Variants in NKAIN3 observed in about 807,000 individuals in gnomAD.
NKAIN3 encodes sodium/potassium transporting ATPase interacting 3, also known as sodium/potassium-transporting ATPase subunit beta-1-interacting protein 3.
Under a neutral mutation model 30.2 loss-of-function variants are expected in NKAIN3, and 25 were observed. The ratio of observed to expected loss-of-function variants is 0.83; its 90% CI spans 0.60 to 1.16. The LOEUF is 1.16. NKAIN3 is among the 50% of genes most tolerant of loss of function. The pLI is 0.00. For missense variants in NKAIN3, 225 were observed against 254.1 expected (o/e 0.89, Z 0.78); for synonymous variants, 91 against 89.6 (o/e 1.02, Z -0.09).
intron 4 of NKAIN3, among the ~76,000 whole-genome samples, chr8:62,761,352 G>C (rs1228300312): frequency 6.6e-6 from 1 of 152,064 alleles, no homozygotes; most frequent in Non-Finnish European, 1.5e-5. Context: ...GGGGAGGACG[G>C]GGGTGGATTG....
At chr8:62,254,638 C>G (rs530422175) in intron 1 of NKAIN3, among the ~76,000 whole-genome samples, 2,202 of 148,674 alleles carry the variant, frequency 0.015, 47 homozygotes, top group African/African-American at 0.049. Flanking sequence ...ATTTTTTTTT[C>G]TGAGAGGTTA....
At chr8:62,928,632 G>C (rs763504384) in intron 5 of NKAIN3, among the ~76,000 whole-genome samples, 3 of 152,146 alleles carry the variant, frequency 2.0e-5, no homozygotes, top group African/African-American at 7.2e-5. Context: ...TATTCTAGAC[G>C]AGGGTTCCAG....
intron 4 of NKAIN3, among the ~76,000 whole-genome samples, chr8:62,886,258 G>A (rs1041830495): frequency 6.6e-6 from 1 of 151,812 alleles, no homozygotes; most frequent in Non-Finnish European, 1.5e-5. Flanking sequence ...CAGGTAGAGT[G>A]AGTGCCTCAT....
intron 4 of NKAIN3, among the ~76,000 whole-genome samples, chr8:62,892,968 C>T (rs965911706): frequency 1.3e-5 from 2 of 152,078 alleles, no homozygotes; most frequent in Non-Finnish European, 2.9e-5. Context: ...AGGCTTTATT[C>T]CATCTCAAAA....
rs370095999 is a variant in NKAIN3 at position 62,678,177 on chromosome 8, C to G, written c.274-68755C>G. ...CCCTAAAATAGGCAGATAGTGGAGT[C>G]ATTTTTCTCTTCTCATTTCCTTTAA... On this transcript the variant is annotated intron_variant, in intron 3 of 6. Transcript: ENST00000623646. Among the ~76,000 whole-genome samples, 11 of 152,278 alleles carry G rather than the reference C, an allele frequency of 7.2e-5. No homozygotes were observed. In the East Asian group the frequency reaches 1.5e-3, roughly 21 times the overall value.
At chr8:62,330,705 T>G (rs913029625) in intron 1 of NKAIN3, among the ~76,000 whole-genome samples, 1 of 152,010 alleles carries the variant, frequency 6.6e-6, no homozygotes, top group South Asian at 2.1e-4. Flanking sequence ...GCCCAAGATC[T>G]TTCTAATTAG....
intron 1 of NKAIN3, among the ~76,000 whole-genome samples, chr8:62,531,536 G>A (rs1244194647): frequency 1.3e-5 from 2 of 152,118 alleles, no homozygotes; most frequent in Non-Finnish European, 2.9e-5. Context: ...CACAATTGCA[G>A]CACTCTCATC....
chr8:62,276,304 G>A (rs751694942), intron 1 of NKAIN3, among the ~76,000 whole-genome samples: 36 of 152,276 alleles, frequency 2.4e-4, no homozygotes, highest in Non-Finnish European at 4.7e-4. Flanking sequence ...TACCTCAAGT[G>A]ATCCGCCTGC....
intron 1 of NKAIN3, among the ~76,000 whole-genome samples, chr8:62,276,346 G>A (rs560061752): frequency 3.3e-5 from 5 of 152,306 alleles, no homozygotes; most frequent in Admixed American, 1.3e-4. Flanking sequence ...GATTACAGGA[G>A]TGAGCCACTG....
chr8:62,292,241 G>T (rs893433674), intron 1 of NKAIN3, among the ~76,000 whole-genome samples: 3 of 152,212 alleles, frequency 2.0e-5, no homozygotes, highest in Admixed American at 6.5e-5. Flanking sequence ...TTACATTTAA[G>T]TTTAATATTG....
At chr8:62,473,695 G>C (rs1163741027) in intron 1 of NKAIN3, among the ~76,000 whole-genome samples, 1 of 151,950 alleles carries the variant, frequency 6.6e-6, no homozygotes, top group African/African-American at 2.4e-5. Flanking sequence ...GTTTCTCCTG[G>C]TACTTGTCTG....
intron 3 of NKAIN3, among the ~76,000 whole-genome samples, chr8:62,592,627 T>C (rs1436631052): frequency 5.9e-5 from 9 of 151,892 alleles, no homozygotes; most frequent in Non-Finnish European, 1.0e-4. Context: ...GAAATGTAAA[T>C]AGACCAAGCA....
chr8:62,589,750 G>A lies in NKAIN3; in HGVS notation c.229G>A (p.Val77Met), dbSNP rs370357908. The change falls in exon 3 of 7, where the codon GTG becomes ATG. Residue 77 changes from valine (V) to methionine (M), a missense_variant. Coordinates refer to ENST00000623646, the MANE Select transcript of NKAIN3 (RefSeq NM_001304533.3). ...VWTALWVTWN[V>M]FIICFYLEVG... ...GACTGCCCTCTGGGTCACCTGGAATGTGTTCATTATCTGCTTTTATTTGGA... is the reference window on the plus strand; with the variant it reads ...GACTGCCCTCTGGGTCACCTGGAATATGTTCATTATCTGCTTTTATTTGGA... 31 of 1,605,574 alleles carry A rather than the reference G, an allele frequency of 1.9e-5. No individual in the cohort carries two copies. In the South Asian group the frequency reaches 3.0e-4, roughly 15 times the overall value.
intron 3 of NKAIN3, among the ~76,000 whole-genome samples, chr8:62,615,560 T>C (rs1811428022): frequency 6.6e-6 from 1 of 152,128 alleles, no homozygotes; most frequent in African/African-American, 2.4e-5. Flanking sequence ...AGAGTTGCAG[T>C]CCTTGTGGCC....
chr8:62,736,880 C>G (rs759184248), intron 3 of NKAIN3, among the ~76,000 whole-genome samples: 3 of 152,212 alleles, frequency 2.0e-5, no homozygotes, highest in Non-Finnish European at 4.4e-5. Context: ...CAGGGCTTCT[C>G]TCAATGCTTC....
chr8:62,935,241 T>G (rs999258939), intron 5 of NKAIN3, among the ~76,000 whole-genome samples: 8 of 152,208 alleles, frequency 5.3e-5, no homozygotes, highest in Non-Finnish European at 1.0e-4. Context: ...GACAGAATGT[T>G]GGAATTCTTA....
intron 4 of NKAIN3, among the ~76,000 whole-genome samples, chr8:62,798,251 G>A (rs568714117): frequency 9.9e-5 from 15 of 152,204 alleles, no homozygotes; most frequent in South Asian, 8.3e-4. Context: ...TTGGGTTGCC[G>A]ATATTTAATT....
intron 1 of NKAIN3, among the ~76,000 whole-genome samples, chr8:62,366,463 G>A (rs1816744603): frequency 6.6e-6 from 1 of 152,258 alleles, no homozygotes; most frequent in Middle Eastern, 3.4e-3. Flanking sequence ...CTGACCTCAA[G>A]TGATCAGCTG....
intron 1 of NKAIN3, among the ~76,000 whole-genome samples, chr8:62,300,627 A>G (rs1353800305): frequency 6.6e-6 from 1 of 152,168 alleles, no homozygotes; most frequent in Non-Finnish European, 1.5e-5. Context: ...TTTGGCCAAA[A>G]TAATTCCTTA....
Sources: allele counts gnomAD v4.1 joint callset (sites outside exome capture counted in the v4.1 genomes callset), GRCh38; gene constraint gnomAD v4.1.1; transcripts MANE v1.5; gene names NCBI Gene and HGNC (gene_info 2026-07-23, HGNC 2026-07-21).